Variants in CADPS observed in about 807,000 individuals in gnomAD.
CADPS encodes the protein calcium dependent secretion activator, also known as calcium-dependent secretion activator 1.
A neutral mutation model predicts 167.3 loss-of-function variants in CADPS; 57 were observed. The observed-to-expected ratio is 0.34, with a 90% CI of 0.28 to 0.42. The LOEUF is 0.42. Ranked by LOEUF, CADPS falls within the 20% of genes least tolerant of loss-of-function variation. CADPS has a pLI of 1.00. For missense variants in CADPS, 1,414 were observed against 1,738.1 expected (o/e 0.81, Z 3.32); for synonymous variants, 676 against 635.3 (o/e 1.06, Z -0.96).
intron 7 of CADPS, among the ~76,000 whole-genome samples, 188 bp from the exon 8 acceptor site, chr3:62,585,512 T>C (rs1176629048): frequency 6.6e-6 from 1 of 152,206 alleles, no homozygotes; most frequent in Non-Finnish European, 1.5e-5. Flanking sequence ...ATTTCTGTAA[T>C]TCTGTGATGA....
intron 18 of CADPS, among the ~76,000 whole-genome samples, chr3:62,496,383 A>G (rs1232155813): frequency 1.3e-5 from 2 of 152,142 alleles, no homozygotes; most frequent in Non-Finnish European, 2.9e-5. Flanking sequence ...CTGTAAGTAA[A>G]AGTTGAGAAC....
chr3:62,545,331 G>T (rs1057195399), intron 11 of CADPS, among the ~76,000 whole-genome samples: 1 of 152,034 alleles, frequency 6.6e-6, no homozygotes, highest in East Asian at 1.9e-4. Flanking sequence ...TCAATGAGAG[G>T]CCACTCAGCA....
intron 1 of CADPS, among the ~76,000 whole-genome samples, chr3:62,778,414 C>T (rs2090846096): frequency 6.6e-6 from 1 of 152,204 alleles, no homozygotes; most frequent in Non-Finnish European, 1.5e-5. Context: ...AAAAGCCTTT[C>T]TGCATTTTCC....
chr3:62,438,205 C>G lies in CADPS; in HGVS notation c.3676G>C (p.Gly1226Arg). The G allele has an allele frequency of 6.2e-7, 1 of 1,612,886 alleles. No homozygotes were observed. The highest frequency in any genetic ancestry group is 8.5e-7 in the Non-Finnish European group (1 of 1,179,062). ...ACGTAGGCGTCGGCCACGTCCATCCCGGGTTTCTGTAAAGAAACAGGAAAA... is the reference window on the plus strand; with the variant it reads ...ACGTAGGCGTCGGCCACGTCCATCCGGGGTTTCTGTAAAGAAACAGGAAAA... ...ASKYVDVPKPGMDVADAYVTF... is the reference protein window; with the variant it reads ...ASKYVDVPKPRMDVADAYVTF... Residue 1226 changes from glycine to arginine, a missense_variant, in exon 28 of 30, where the codon GGG becomes CGG. This residue lies in a region of CADPS where 185 missense variants were observed against 251.5 expected (regional missense o/e 0.74). Transcript: ENST00000383710. This position sits in a 1 kb window ranked among gnomAD's most constrained non-coding sequence, Gnocchi z 4.7.
intron 1 of CADPS, among the ~76,000 whole-genome samples, chr3:62,839,548 G>A (rs1473285884): frequency 6.6e-6 from 1 of 152,146 alleles, no homozygotes; most frequent in Non-Finnish European, 1.5e-5. Context: ...GGTGAGAAGT[G>A]AGCAGTAGGG....
At position 62,438,057 on chromosome 3, in the gene CADPS, G is replaced by A; in HGVS notation, c.3777+47C>T. 4 of 1,248,854 alleles carry A rather than the reference G, an allele frequency of 3.2e-6. No homozygotes were observed. Among genetic ancestry groups the A allele is most frequent in the East Asian group, 4.7e-5 (2 of 42,878 alleles). 77.4% of individuals were successfully genotyped at this position (1,248,854 alleles called of 1,614,324 possible). The stretch of plus-strand genomic sequence containing the variant: ...CCTGTCTCTTATTTTGTCACATTTT[G>A]GAGGGTCTCCTCCTTGGTTTTCAAG... On this transcript the variant is annotated intron_variant, in intron 28 of 29. Coordinates refer to ENST00000383710, the MANE Select transcript of CADPS (RefSeq NM_003716.4). The surrounding 1 kb of genome is among the most constrained non-coding windows in gnomAD (Gnocchi z 4.7).
At chr3:62,599,592 A>G (rs1222540733) in intron 6 of CADPS, among the ~76,000 whole-genome samples, 1 of 85,094 alleles carries the variant, frequency 1.2e-5, no homozygotes, top group African/African-American at 5.2e-5. Context: ...TTATATAAAT[A>G]TATTATATAT....
intron 13 of CADPS, among the ~76,000 whole-genome samples, chr3:62,524,540 A>G (rs569705454): frequency 6.6e-6 from 1 of 152,326 alleles, no homozygotes; most frequent in South Asian, 2.1e-4. Context: ...GGGGCTAATA[A>G]TTAATCTCCA....
rs73842981 is a variant in CADPS, at chr3:62,645,502, T to C, written c.1325+220A>G. Among the ~76,000 whole-genome samples the C allele has an allele frequency of 5.1e-3, 770 of 152,344 alleles. 7 individuals carry two copies. Among genetic ancestry groups the C allele is most frequent in the African/African-American group, 0.017 (712 of 41,570 alleles). ...TACTTAAAACCACTAGAAAGGACAC[T>C]GTTTCTTTAATTTTCTTCAGTTCTC... On this transcript the variant is annotated intron_variant, in intron 6 of 29. Coordinates refer to ENST00000383710, the MANE Select transcript of CADPS (RefSeq NM_003716.4).
At chr3:62,700,786 C>G (rs1474320382) in intron 3 of CADPS, among the ~76,000 whole-genome samples, 1 of 152,108 alleles carries the variant, frequency 6.6e-6, no homozygotes, top group African/African-American at 2.4e-5. Context: ...CAAGGCTGCA[C>G]AGTTAGTAGT....
intron 6 of CADPS, among the ~76,000 whole-genome samples, chr3:62,613,238 C>G (rs1296728210): frequency 3.9e-5 from 6 of 152,186 alleles, no homozygotes; most frequent in Non-Finnish European, 5.9e-5. Context: ...AACCCCTGTT[C>G]TTCACTTTGT....
At chr3:62,741,783 G>T (rs890255756) in intron 3 of CADPS, among the ~76,000 whole-genome samples, 4 of 152,094 alleles carry the variant, frequency 2.6e-5, no homozygotes, top group African/African-American at 9.7e-5. Flanking sequence ...GGGCAATGAA[G>T]CAAGAGAAAG....
In CADPS at chr3:62,549,972, T is replaced by C. The variant is rs1450946935; in HGVS notation, c.1897A>G (p.Thr633Ala). 1 of 1,614,042 alleles carries C rather than the reference T, an allele frequency of 6.2e-7. No homozygotes were observed. The highest frequency in any genetic ancestry group is 2.2e-5 in the East Asian group (1 of 44,868). ...TTGGCGTTGAGTTTCTGGACTTGGG[T>C]CGGGGGCACAGGCTTGTGTGACTGC... ...TGQSHKPVPP[T>A]QVQKLNAKGG... is the part of the protein sequence containing the mutation. Residue 633 changes from threonine (T) to alanine (A), a missense_variant, in exon 11 of 30, where the codon ACC (threonine) becomes GCC (alanine). By Grantham distance (58) the Thr-to-Ala change is moderately conservative. Around this residue, in one of 6 missense-constraint regions of CADPS, gnomAD observed 529 missense variants for 629.6 expected, o/e 0.84. Coordinates refer to ENST00000383710, the MANE Select transcript of CADPS (RefSeq NM_003716.4).
At chr3:62,625,865 CT>C (rs1344279275) in intron 6 of CADPS, 1 of 150,974 alleles carries the variant, frequency 6.6e-6, no homozygotes, top group Non-Finnish European at 1.5e-5. Context: ...GGAATCTTTA[CT>C]TTTTTATATT....
intron 28 of CADPS, among the ~76,000 whole-genome samples, chr3:62,422,141 G>A (rs1318761297): frequency 6.6e-6 from 1 of 152,114 alleles, no homozygotes; most frequent in Non-Finnish European, 1.5e-5. Context: ...TAAGCCAAGT[G>A]GGGAGCCTTT....
intron 13 of CADPS, among the ~76,000 whole-genome samples, chr3:62,528,187 C>G (rs1410157667): frequency 6.6e-6 from 1 of 152,146 alleles, no homozygotes; most frequent in Non-Finnish European, 1.5e-5. Flanking sequence ...TATACAAGTG[C>G]TAATCTTGGA....
In CADPS at chr3:62,592,723, T is replaced by G; in HGVS notation, c.1351A>C (p.Thr451Pro). ...TTCACAGCTGGCAGTGCATGGGTTG[T>G]GGAGAAGTCACCCTGGGTGCCCCAG... ...PTWGTQGDFS[T>P]THALPAVKVK... The change falls in exon 7 of 30, where the codon ACA becomes CCA. Residue 451 changes from threonine to proline, a missense_variant. This residue lies in a region of CADPS where 157 missense variants were observed against 229.4 expected (regional missense o/e 0.68). Transcript: ENST00000383710. 6.2e-7 allele frequency: 1 copy of G among 1,614,136 alleles called. No individual in the cohort carries two copies. Among genetic ancestry groups the G allele is most frequent in the Non-Finnish European group, 8.5e-7 (1 of 1,179,976 alleles).
At chr3:62,425,106 C>T (rs1397505063) in intron 28 of CADPS, among the ~76,000 whole-genome samples, 3 of 152,158 alleles carry the variant, frequency 2.0e-5, no homozygotes, top group Non-Finnish European at 4.4e-5. Context: ...CATCTCTCCA[C>T]AGTGTTGCTA....
rs1175791077 is a variant in CADPS at position 62,401,524 on chromosome 3, C to T, written c.3882+1557G>A. ...ATGAATGGGTGAATAAATGAAGTGG[C>T]TGTTGATGCAAGAAAGAAAGCCAAT... On this transcript the variant is annotated intron_variant, in intron 29 of 29. Coordinates refer to ENST00000383710, the MANE Select transcript of CADPS (RefSeq NM_003716.4). 2.6e-5 allele frequency among the ~76,000 whole-genome samples: 4 copies of T among 152,144 alleles called. No individual in the cohort carries two copies. In the East Asian group the frequency reaches 7.7e-4, roughly 29 times the overall value.
Sources: allele counts gnomAD v4.1 joint callset (sites outside exome capture counted in the v4.1 genomes callset), GRCh38; gene constraint gnomAD v4.1.1; regional missense constraint gnomAD v4.1.1; non-coding constraint Gnocchi (gnomAD v3.1); transcripts MANE v1.5; gene names NCBI Gene and HGNC (gene_info 2026-07-23, HGNC 2026-07-21).